Variants in CORO2A observed in about 807,000 individuals in gnomAD.
CORO2A encodes the protein coronin-2A.
A neutral mutation model predicts 62.4 loss-of-function variants in CORO2A; 47 were observed. That is an observed-to-expected ratio of 0.75 (90% CI 0.60 to 0.96). The LOEUF is 0.96. Ranked by LOEUF, CORO2A falls within the 40% of genes least tolerant of loss-of-function variation. The pLI is 0.00. For synonymous variants in CORO2A, 273 were observed against 268.9 expected (o/e 1.02, Z -0.15); for missense variants, 610 against 684.1 (o/e 0.89, Z 1.21).
rs372493952 is a variant in CORO2A at position 98,134,256 on chromosome 9, T to A, written c.468+550A>T. Reference sequence around the variant, plus strand: ...AGACTGAGTCGGAATAGAATTGAGGTCTCCTGTACTGTGGGTCCCAATCTA... The same window carrying A: ...AGACTGAGTCGGAATAGAATTGAGGACTCCTGTACTGTGGGTCCCAATCTA... On this transcript the variant is annotated intron_variant, in intron 4 of 11. Coordinates refer to ENST00000375077, the MANE Select transcript of CORO2A (RefSeq NM_052820.4). 2.0e-5 allele frequency among the ~76,000 whole-genome samples: 3 copies of A among 152,194 alleles called. No homozygotes were observed. The East Asian group carries it at 5.8e-4, about 29-fold the overall frequency.
At chr9:98,140,964 A>G (rs983982359) in intron 2 of CORO2A, among the ~76,000 whole-genome samples, 8 of 152,170 alleles carry the variant, frequency 5.3e-5, no homozygotes, top group Non-Finnish European at 1.0e-4. Flanking sequence ...TTAAACTTAT[A>G]TAAGTTGATA....
rs552005722 is a variant in CORO2A at position 98,132,895 on chromosome 9, C to T, written c.648+143G>A. On this transcript the variant is annotated intron_variant, in intron 5 of 11. Coordinates refer to ENST00000375077, the MANE Select transcript of CORO2A (RefSeq NM_052820.4). ...GACATATCCCACCTTCCAGCAATCC[C>T]GAGAGGACAGACAGGGATGCTGCCT... 5.4e-5 allele frequency: 50 copies of T among 925,466 alleles called. 1 individual carries two copies. Among genetic ancestry groups the T allele is most frequent in the East Asian group, 1.8e-4 (7 of 38,856 alleles). 57.3% of individuals were successfully genotyped at this position (925,466 alleles called of 1,614,324 possible).
intron 1 of CORO2A, among the ~76,000 whole-genome samples, chr9:98,184,907 G>A (rs916962054): frequency 2.6e-5 from 4 of 152,140 alleles, no homozygotes; most frequent in Non-Finnish European, 5.9e-5. Flanking sequence ...TAATGAATAG[G>A]TAGGTGCCTG....
At chr9:98,174,863 G>A (rs907949617) in intron 1 of CORO2A, among the ~76,000 whole-genome samples, 6 of 152,038 alleles carry the variant, frequency 3.9e-5, no homozygotes, top group Admixed American at 3.3e-4. Context: ...GTGTGAGAGT[G>A]GACTAATACA....
chr9:98,154,329 GTATATATATATA>G (rs61422672), intron 2 of CORO2A, among the ~76,000 whole-genome samples: 1 of 88,960 alleles, frequency 1.1e-5, no homozygotes, highest in East Asian at 3.5e-4. Flanking sequence ...GTGTTTGTGT[GTATATATATATA>G]TATATATATA....
At chr9:98,174,730 G>T (rs780841143) in intron 1 of CORO2A, among the ~76,000 whole-genome samples, 2 of 152,154 alleles carry the variant, frequency 1.3e-5, no homozygotes, top group African/African-American at 4.8e-5. Flanking sequence ...GAAGGTGCCA[G>T]CTTCCCCTTC....
intron 2 of CORO2A, among the ~76,000 whole-genome samples, chr9:98,149,456 C>T (rs538063566): frequency 2.6e-5 from 4 of 152,312 alleles, no homozygotes; most frequent in African/African-American, 9.6e-5. Context: ...TGAGTATTTA[C>T]AAAGAAAAGA....
intron 1 of CORO2A, among the ~76,000 whole-genome samples, chr9:98,159,066 A>C (rs1827847399): frequency 9.8e-6 from 1 of 102,550 alleles, no homozygotes; most frequent in Non-Finnish European, 1.9e-5. Flanking sequence ...CCCTTTATTT[A>C]TTATTATTTT....
intron 2 of CORO2A, among the ~76,000 whole-genome samples, chr9:98,146,003 G>A (rs1827639960): frequency 6.6e-6 from 1 of 152,154 alleles, no homozygotes; most frequent in South Asian, 2.1e-4. Flanking sequence ...GAGCCACCAT[G>A]CTGGCTAAGG....
Position 98,130,848 on chromosome 9 carries a change from C to T in CORO2A, c.870+107G>A, listed in dbSNP as rs2231665. 1.4e-3 allele frequency: 1,178 copies of T among 852,504 alleles called. 4 individuals carry two copies. The highest frequency in any genetic ancestry group is 3.9e-3 in the South Asian group (235 of 60,076). 52.8% of individuals were successfully genotyped at this position (852,504 alleles called of 1,614,324 possible). On this transcript the variant is annotated intron_variant, in intron 7 of 11. Transcript: ENST00000375077. ...GTTCCTTCTCACAGGGAAAGAGTGGCCAGCGAGGCCTGCCCATCCCTGCCC... is the reference window on the plus strand; with the variant it reads ...GTTCCTTCTCACAGGGAAAGAGTGGTCAGCGAGGCCTGCCCATCCCTGCCC...
intron 8 of CORO2A, among the ~76,000 whole-genome samples, 197 bp from the exon 9 acceptor site, chr9:98,128,916 G>T (rs1164262971): frequency 1.3e-5 from 2 of 152,184 alleles, no homozygotes; most frequent in Non-Finnish European, 1.5e-5. Context: ...CACCTTCAAA[G>T]ATTTAAATTA....
intron 2 of CORO2A, among the ~76,000 whole-genome samples, chr9:98,142,642 G>A (rs994132667): frequency 3.3e-5 from 5 of 152,224 alleles, no homozygotes; most frequent in East Asian, 3.9e-4. Context: ...AAGTGCCCAG[G>A]AGCCCCATTC....
At chr9:98,160,733 C>T (rs910939032) in intron 1 of CORO2A, among the ~76,000 whole-genome samples, 5 of 152,172 alleles carry the variant, frequency 3.3e-5, no homozygotes, top group Non-Finnish European at 7.3e-5. Context: ...GGCGGGAGTG[C>T]ACCTGTCTGT....
chr9:98,142,631 A>C (rs2118837578), intron 2 of CORO2A, among the ~76,000 whole-genome samples: 1 of 152,360 alleles, frequency 6.6e-6, no homozygotes, highest in African/African-American at 2.4e-5. Flanking sequence ...GACGGGAGGC[A>C]AAGTGCCCAG....
intron 1 of CORO2A, among the ~76,000 whole-genome samples, chr9:98,165,343 C>T (rs1207180512): frequency 2.0e-5 from 3 of 152,194 alleles, no homozygotes; most frequent in Non-Finnish European, 4.4e-5. Context: ...GAATCCATTT[C>T]TTAAAGGGCC....
intron 1 of CORO2A, among the ~76,000 whole-genome samples, chr9:98,181,242 G>A (rs1291452160): frequency 1.4e-5 from 2 of 139,648 alleles, no homozygotes; most frequent in Admixed American, 1.5e-4. Context: ...GAACCCACGG[G>A]CACCCACGTG....
intron 2 of CORO2A, among the ~76,000 whole-genome samples, chr9:98,139,488 G>T (rs1341292851): frequency 6.6e-6 from 1 of 152,162 alleles, no homozygotes; most frequent in Non-Finnish European, 1.5e-5. Context: ...TTAGCCGGGC[G>T]TGGTGGCACA....
chr9:98,142,749 T>TTTTTTTTTTTTTTTTTTTTTTTTGAGA (rs1216236508), intron 2 of CORO2A, among the ~76,000 whole-genome samples: 1 of 152,084 alleles, frequency 6.6e-6, no homozygotes, highest in African/African-American at 2.4e-5. Context: ...CTCTTCCTTC[T>TTTTTTTTTTTTTTTTTTTTTTTTGAGA]CAGCCTTCTC....
chr9:98,189,923 C>T (rs796394888), intron 1 of CORO2A, among the ~76,000 whole-genome samples: 8 of 151,272 alleles, frequency 5.3e-5, no homozygotes, highest in African/African-American at 1.5e-4. Flanking sequence ...CTCGCTCTGT[C>T]GCCCAGGCTG....
Sources: gnomAD v4.1 joint callset for allele counts (sites outside exome capture counted in the v4.1 genomes callset) on GRCh38, gnomAD v4.1.1 for gene constraint, MANE v1.5 for transcripts, NCBI Gene and HGNC (gene_info 2026-07-23, HGNC 2026-07-21) for gene names.